The following PHF13 variants were observed in gnomAD, a reference collection of about 807,000 sequenced individuals.
PHF13 encodes the protein PHD finger protein 13, also known as PHD zinc finger protein PHF5.
Under a neutral mutation model 25.8 loss-of-function variants are expected in PHF13, and 1 was observed. The observed-to-expected ratio is 0.04, with a 90% CI of 0.01 to 0.18. PHF13 has a LOEUF of 0.18. PHF13 is among the 10% of genes least tolerant of loss of function. The pLI, the probability that PHF13 is intolerant of heterozygous loss-of-function variation, is 1.00. For missense variants in PHF13, 306 were observed against 403.2 expected (o/e 0.76, Z 2.06); for synonymous variants, 195 against 162.4 (o/e 1.20, Z -1.53).
Position 6,621,736 on chromosome 1 carries a change from G to T in PHF13, c.*99G>T. The T allele has an allele frequency of 8.2e-7, 1 of 1,219,706 alleles. No individual in the cohort carries two copies. Among genetic ancestry groups the T allele is most frequent in the Non-Finnish European group, 1.2e-6 (1 of 854,110 alleles). 75.6% of individuals were successfully genotyped at this position (1,219,706 alleles called of 1,614,324 possible). A position where few individuals can be genotyped will look rare whatever the true frequency, so the allele number is the denominator to read the frequency against. ...AGCACAGAACCCTCAGCTCTGGTGC[G>T]GGCAGATCCCTGCCATTTAGGTGCC... is the stretch of plus-strand genomic sequence containing the variant. On this transcript the variant is annotated 3_prime_UTR_variant, in exon 4 of 4. Coordinates refer to ENST00000377648, the MANE Select transcript of PHF13 (RefSeq NM_153812.3). This position sits in a 1 kb window ranked among gnomAD's most constrained non-coding sequence, Gnocchi z 4.8.
At chr1:6,615,070 G>A (rs1193527013) in intron 1 of PHF13, among the ~76,000 whole-genome samples, 2 of 151,180 alleles carry the variant, frequency 1.3e-5, no homozygotes, top group Non-Finnish European at 1.5e-5. Flanking sequence ...GTCGCGGGGG[G>A]CGGCTGCCGC....
chr1:6,614,360 C>G (rs1641220622), intron 1 of PHF13: 2 of 485,458 alleles, frequency 4.1e-6, no homozygotes, highest in Non-Finnish European at 7.2e-6. Flanking sequence ...GCCGTTGCGC[C>G]TATTTCTCTC....
At chr1:6,616,297 G>A (rs1353687072) in intron 1 of PHF13, among the ~76,000 whole-genome samples, 1 of 152,132 alleles carries the variant, frequency 6.6e-6, no homozygotes, top group African/African-American at 2.4e-5. Context: ...AAAGTGCTGG[G>A]ATTACAGACG....
At chr1:6,614,935 G>C (rs888925229) in intron 1 of PHF13, among the ~76,000 whole-genome samples, 3 of 151,282 alleles carry the variant, frequency 2.0e-5, no homozygotes, top group African/African-American at 7.3e-5. Context: ...GCCGGAGCCC[G>C]CCGGTCTCGC....
In PHF13 at chr1:6,622,670, A is replaced by G. The variant is rs1372508370; in HGVS notation, c.*1033A>G. The G allele has an allele frequency of 1.3e-5, 2 of 152,276 alleles. No homozygotes were observed. The highest frequency in any genetic ancestry group is 2.9e-5 in the Non-Finnish European group (2 of 68,174). 9.4% of individuals were successfully genotyped at this position (152,276 alleles called of 1,614,324 possible). A position where few individuals can be genotyped will look rare whatever the true frequency, so the allele number is the denominator to read the frequency against. The stretch of plus-strand genomic sequence containing the variant: ...CTGGCCTGCCGGTTCCACAGGGTAC[A>G]GTTAGGACTTGAGTCTTTCTTTTTC... On this transcript the variant is annotated 3_prime_UTR_variant, in exon 4 of 4. Coordinates refer to ENST00000377648, the MANE Select transcript of PHF13 (RefSeq NM_153812.3).
rs1641360925 is a variant in PHF13 at position 6,622,822 on chromosome 1, T to TG, written c.*1187dup. The TG allele has an allele frequency of 6.6e-6, 1 of 152,180 alleles. No homozygotes were observed. The highest frequency in any genetic ancestry group is 2.4e-5 in the African/African-American group (1 of 41,444). 9.4% of individuals were successfully genotyped at this position (152,180 alleles called of 1,614,324 possible). On this transcript the variant is annotated 3_prime_UTR_variant, in exon 4 of 4. Transcript: ENST00000377648. ...GGGAGGCCCCTGTGAGGGCCAGCTC[T>TG]GGAAAAACCTGGGAGTTGATGCCGG...
chr1:6,619,743 C>G (rs910298245), intron 2 of PHF13, 60 bp from the exon 3 acceptor site: 14 of 1,513,374 alleles, frequency 9.3e-6, no homozygotes, highest in Middle Eastern at 2.5e-4. Context: ...GCTGGGGATG[C>G]TCTGCTCTGG....
intron 2 of PHF13, among the ~76,000 whole-genome samples, chr1:6,619,312 T>TC (rs1264485426): frequency 1.3e-5 from 2 of 151,732 alleles, no homozygotes; most frequent in African/African-American, 4.8e-5. Context: ...GTTTCTCTCT[T>TC]CGTGGCATCA....
intron 1 of PHF13, among the ~76,000 whole-genome samples, chr1:6,616,025 ATTTTT>A (rs5772244): frequency 6.5e-5 from 6 of 91,772 alleles, no homozygotes; most frequent in African/African-American, 2.2e-4. Context: ...TGAGTGGTTG[ATTTTT>A]TTTTTTTTTT....
At chr1:6,615,967 C>T (rs371389062) in intron 1 of PHF13, among the ~76,000 whole-genome samples, 31 of 150,406 alleles carry the variant, frequency 2.1e-4, no homozygotes, top group African/African-American at 7.3e-4. Context: ...TTGGCAGGGT[C>T]AGCCAGGAGT....
Position 6,622,016 on chromosome 1 carries a change from G to GC in PHF13, c.*379_*380insC. The GC allele has an allele frequency of 3.2e-6, 1 of 314,620 alleles. No homozygotes were observed. Among genetic ancestry groups the GC allele is most frequent in the South Asian group, 3.2e-5 (1 of 30,802 alleles). The allele number at this position is 314,620 out of a possible 1,614,324, so 19.5% of individuals were successfully genotyped here. A position where few individuals can be genotyped will look rare whatever the true frequency, so the allele number is the denominator to read the frequency against. On this transcript the variant is annotated 3_prime_UTR_variant, in exon 4 of 4. Transcript: ENST00000377648. ...TCTGCTTCCACTGTGTTGGGGAGAG[G>GC]TGTTCGGTTTCCCCAGCCTGTTAAT... is the stretch of plus-strand genomic sequence containing the variant.
chr1:6,620,715 G>A (rs1641325958), intron 3 of PHF13, among the ~76,000 whole-genome samples: 1 of 151,980 alleles, frequency 6.6e-6, no homozygotes. Flanking sequence ...GCAAAGCCCT[G>A]TCACTGCAAA....
chr1:6,616,511 A>G (rs967531968), intron 1 of PHF13, among the ~76,000 whole-genome samples: 1 of 152,218 alleles, frequency 6.6e-6, no homozygotes, highest in Non-Finnish European at 1.5e-5. Flanking sequence ...CTTTTGTAGA[A>G]GTTTTTATCT....
intron 1 of PHF13, among the ~76,000 whole-genome samples, chr1:6,615,309 C>T (rs1363608087): frequency 6.6e-6 from 1 of 152,212 alleles, no homozygotes; most frequent in Non-Finnish European, 1.5e-5. Context: ...GTTGGAGGCC[C>T]GGGTGGCGGC....
At chr1:6,614,810 C>T (rs892362880) in intron 1 of PHF13, among the ~76,000 whole-genome samples, 5 of 151,330 alleles carry the variant, frequency 3.3e-5, no homozygotes, top group Non-Finnish European at 7.4e-5. Context: ...TTCCGGGGAT[C>T]GGCCCTCGGG....
Position 6,622,085 on chromosome 1 carries a change from T to C in PHF13, c.*448T>C. ...GCTTTTTCTTGAGTGTTAAGTCTTTTACCAAAAGTGTCTGTACAGCAGCCA... is the reference window on the plus strand; with the variant it reads ...GCTTTTTCTTGAGTGTTAAGTCTTTCACCAAAAGTGTCTGTACAGCAGCCA... On this transcript the variant is annotated 3_prime_UTR_variant, in exon 4 of 4. Transcript: ENST00000377648. 1 of 225,388 alleles carries C rather than the reference T, an allele frequency of 4.4e-6. No homozygotes were observed. The highest frequency in any genetic ancestry group is 6.9e-5 in the South Asian group (1 of 14,442). 14.0% of individuals were successfully genotyped at this position (225,388 alleles called of 1,614,324 possible).
At chr1:6,615,784 T>C (rs543130703) in intron 1 of PHF13, among the ~76,000 whole-genome samples, 44 of 152,208 alleles carry the variant, frequency 2.9e-4, no homozygotes, top group Non-Finnish European at 6.0e-4. Flanking sequence ...GGAATGGGGC[T>C]GGGACCCGCG....
In PHF13 at chr1:6,621,873, A is replaced by G; in HGVS notation, c.*236A>G. 1.7e-6 allele frequency: 1 copy of G among 575,282 alleles called. No individual in the cohort carries two copies. Among genetic ancestry groups the G allele is most frequent in the Non-Finnish European group, 3.1e-6 (1 of 321,770 alleles). The allele number at this position is 575,282 out of a possible 1,614,324, so 35.6% of individuals were successfully genotyped here. On this transcript the variant is annotated 3_prime_UTR_variant, in exon 4 of 4. Transcript: ENST00000377648. This position sits in a 1 kb window ranked among gnomAD's most constrained non-coding sequence, Gnocchi z 4.8. ...GCTGCGTTCCCTGCAGTGGAGGTGG[A>G]CTGGACACCCACGTGCAGCGGGTTT...
chr1:6,616,728 A>G (rs752598524), intron 1 of PHF13, 29 bp from the exon 2 acceptor site: 3 of 1,588,224 alleles, frequency 1.9e-6, no homozygotes, highest in Admixed American at 3.3e-5. Flanking sequence ...TCTCCTTCAA[A>G]CACATTCCCT....
Sources: allele counts gnomAD v4.1 joint callset (sites outside exome capture counted in the v4.1 genomes callset), GRCh38; gene constraint gnomAD v4.1.1; non-coding constraint Gnocchi (gnomAD v3.1); transcripts MANE v1.5; gene names NCBI Gene and HGNC (gene_info 2026-07-23, HGNC 2026-07-21).